Variants in CACNA1D observed in about 807,000 individuals in gnomAD.
CACNA1D encodes the protein calcium voltage-gated channel subunit alpha1 D.
A neutral mutation model predicts 257.1 loss-of-function variants in CACNA1D; 55 were observed. The ratio of observed to expected loss-of-function variants is 0.21; its 90% CI spans 0.17 to 0.27. CACNA1D has a LOEUF of 0.27. CACNA1D is among the 10% of genes least tolerant of loss of function. The pLI is 1.00. For synonymous variants in CACNA1D, 980 were observed against 1,014.9 expected, an observed-to-expected ratio of 0.97 and a Z score of 0.65; for missense variants, 1,876 against 2,784.0, an observed-to-expected ratio of 0.67 and a Z score of 7.34.
intron 3 of CACNA1D, among the ~76,000 whole-genome samples, chr3:53,563,507 G>A (rs188450954): frequency 3.2e-3 from 449 of 141,248 alleles, no homozygotes; most frequent in African/African-American, 0.012. Context: ...CTGGGTGACA[G>A]CCTGGGTGAG....
intron 3 of CACNA1D, among the ~76,000 whole-genome samples, chr3:53,628,200 A>G (rs1162386780): frequency 6.6e-6 from 1 of 152,012 alleles, no homozygotes; most frequent in African/African-American, 2.4e-5. Flanking sequence ...ACATAAGCAC[A>G]AGTGTCAGAT....
intron 8 of CACNA1D, among the ~76,000 whole-genome samples, chr3:53,699,949 A>T (rs1351046373): frequency 6.6e-6 from 1 of 151,966 alleles, no homozygotes; most frequent in African/African-American, 2.4e-5. Flanking sequence ...TTATATTTGT[A>T]ATGTTAAAAA....
At chr3:53,598,588 G>GA (rs5848998) in intron 3 of CACNA1D, among the ~76,000 whole-genome samples, 3,826 of 116,160 alleles carry the variant, frequency 0.033, 83 homozygotes, top group African/African-American at 0.076. Context: ...CTCATCTCCA[G>GA]AAAAAAAAAA....
intron 3 of CACNA1D, among the ~76,000 whole-genome samples, chr3:53,557,133 C>T (rs1397240315): frequency 2.6e-5 from 4 of 152,148 alleles, no homozygotes; most frequent in East Asian, 1.9e-4. Context: ...AAGAAATCTT[C>T]GCCCAACTAC....
chr3:53,665,867 A>G (rs562404101), intron 6 of CACNA1D, 55 bp downstream of exon 6: 1 of 1,420,040 alleles, frequency 7.0e-7, no homozygotes, highest in East Asian at 2.3e-5. Flanking sequence ...GTTTTCCCCA[A>G]AGCAACTTTC....
intron 29 of CACNA1D, among the ~76,000 whole-genome samples, chr3:53,760,831 A>G (rs191413892): frequency 6.6e-6 from 1 of 152,330 alleles, no homozygotes; most frequent in East Asian, 1.9e-4. Context: ...CAAAGGGGAC[A>G]TTGCCCATGT....
intron 3 of CACNA1D, among the ~76,000 whole-genome samples, chr3:53,613,603 T>C (rs1451544226): frequency 6.6e-6 from 1 of 152,068 alleles, no homozygotes; most frequent in Non-Finnish European, 1.5e-5. Flanking sequence ...TGAGAACTCT[T>C]TGGAAACCAT....
chr3:53,738,945 C>T (rs977867325), intron 20 of CACNA1D, among the ~76,000 whole-genome samples: 1 of 151,824 alleles, frequency 6.6e-6, no homozygotes, highest in Non-Finnish European at 1.5e-5. Context: ...TTGGCTGAGG[C>T]CTGGCAGTGC....
intron 8 of CACNA1D, among the ~76,000 whole-genome samples, chr3:53,682,838 C>A (rs2094445050): frequency 6.6e-6 from 1 of 152,120 alleles, no homozygotes; most frequent in Non-Finnish European, 1.5e-5. Flanking sequence ...GACCTTTCAC[C>A]ATAAACAACT....
At chr3:53,616,958 G>A (rs531478815) in intron 3 of CACNA1D, among the ~76,000 whole-genome samples, 35 of 152,184 alleles carry the variant, frequency 2.3e-4, no homozygotes, top group Middle Eastern at 3.4e-3. Flanking sequence ...AGTTTTGCAC[G>A]TAGTTGAGGC....
At chr3:53,627,976 C>T (rs2093778890) in intron 3 of CACNA1D, among the ~76,000 whole-genome samples, 1 of 151,984 alleles carries the variant, frequency 6.6e-6, no homozygotes, top group South Asian at 2.1e-4. Context: ...CCTGAGATCA[C>T]ACCATTGCAT....
chr3:53,805,770 T>C, intron 45 of CACNA1D, among the ~76,000 whole-genome samples: 1 of 126,850 alleles, frequency 7.9e-6, no homozygotes. Context: ...TCCCTCATCT[T>C]CCCTCTTCCT....
intron 45 of CACNA1D, among the ~76,000 whole-genome samples, chr3:53,806,902 C>T (rs894122204): frequency 5.9e-5 from 9 of 152,196 alleles, no homozygotes; most frequent in African/African-American, 1.4e-4. Flanking sequence ...CTGCCTTCCT[C>T]GGGCCTCGGC....
At chr3:53,624,190 G>A (rs1399090139) in intron 3 of CACNA1D, among the ~76,000 whole-genome samples, 1 of 152,196 alleles carries the variant, frequency 6.6e-6, no homozygotes, top group Non-Finnish European at 1.5e-5. Flanking sequence ...ATAAACCACT[G>A]TAGAGAATCA....
intron 3 of CACNA1D, among the ~76,000 whole-genome samples, chr3:53,518,489 T>G (rs548586260): frequency 6.6e-6 from 1 of 152,308 alleles, no homozygotes; most frequent in African/African-American, 2.4e-5. Context: ...AACAGAGTGC[T>G]GGAGGTAGAG....
In CACNA1D at chr3:53,495,910, G is replaced by A. The variant is rs2090322384; in HGVS notation, c.67+677G>A. Among the ~76,000 whole-genome samples the A allele has an allele frequency of 2.0e-5, 3 of 152,226 alleles. No homozygotes were observed. Among genetic ancestry groups the A allele is most frequent in the Admixed American group, 2.0e-4 (3 of 15,288 alleles). ...ACCACGTGCAGCTTCCACGCCGGCC[G>A]GGGCTGGGTCGAGGGAGGATGGAGC... On this transcript the variant is annotated intron_variant, in intron 1 of 47. Transcript: ENST00000350061. This position sits in a 1 kb window ranked among gnomAD's most constrained non-coding sequence, Gnocchi z 5.1.
chr3:53,719,417 C>G (rs2094857890), intron 10 of CACNA1D, among the ~76,000 whole-genome samples: 1 of 152,228 alleles, frequency 6.6e-6, no homozygotes, highest in Non-Finnish European at 1.5e-5. Flanking sequence ...AGTGCTCCCT[C>G]TGCGGTAGTA....
chr3:53,701,237 G>T (rs1412431300), intron 8 of CACNA1D, among the ~76,000 whole-genome samples: 1 of 152,136 alleles, frequency 6.6e-6, no homozygotes, highest in East Asian at 1.9e-4. Flanking sequence ...TGCCTCCCAG[G>T]TTCAAGCAAT....
At chr3:53,796,803 C>T (rs1215198181) in intron 40 of CACNA1D, among the ~76,000 whole-genome samples, 3 of 152,070 alleles carry the variant, frequency 2.0e-5, no homozygotes, top group South Asian at 2.1e-4. Context: ...CAACCAGAAA[C>T]TAGGCTTGAT....
Sources: allele counts gnomAD v4.1 joint callset (sites outside exome capture counted in the v4.1 genomes callset), GRCh38; gene constraint gnomAD v4.1.1; non-coding constraint Gnocchi (gnomAD v3.1); transcripts MANE v1.5; gene names NCBI Gene and HGNC (gene_info 2026-07-23, HGNC 2026-07-21).